The following ZBED6 variants were observed in gnomAD, a reference collection of about 807,000 sequenced individuals.
The protein encoded by ZBED6 is zinc finger BED domain-containing protein 6.
In ZBED6, 40 loss-of-function variants were observed where a neutral mutation model predicts 58.4. That is an observed-to-expected ratio of 0.68 (90% CI 0.53 to 0.89). ZBED6 has a LOEUF of 0.89. Ranked by LOEUF, ZBED6 falls within the 40% of genes least tolerant of loss-of-function variation. ZBED6 has a pLI of 0.00. For synonymous variants in ZBED6, 439 were observed against 350.6 expected (o/e 1.25, Z -2.82); for missense variants, 1,057 against 1,003.9 (o/e 1.05, Z -0.71).
At chr1:203,849,925 C>A in exon 14 of ZBED6, 1 of 1,614,070 alleles carries the variant, frequency 6.2e-7, no homozygotes, top group Non-Finnish European at 8.5e-7. Flanking sequence ...AAGCGGCTTC[C>A]CACAAAGTCA....
At chr1:203,823,278 C>G (rs568939494) in intron 3 of ZBED6, among the ~76,000 whole-genome samples, 2 of 152,110 alleles carry the variant, frequency 1.3e-5, no homozygotes, top group East Asian at 3.8e-4. Flanking sequence ...TGGAAGAATC[C>G]GTGTGCCTGT....
At chr1:203,833,733 G>GT in intron 8 of ZBED6, 58 bp from the exon 9 acceptor site, 1 of 1,466,132 alleles carries the variant, frequency 6.8e-7, no homozygotes. Context: ...CCCATTAGTA[G>GT]TTACTGAATA....
At chr1:203,796,257 C>A (rs1188536007) in exon 1 of ZBED6, 2 of 395,220 alleles carry the variant, frequency 5.1e-6, no homozygotes, top group Non-Finnish European at 8.9e-6. Context: ...GACTGAGTGC[C>A]GGGCGCTGAA....
In ZBED6 at chr1:203,826,765, T is replaced by G. The variant is rs543553104; in HGVS notation, c.*2874-1534T>G. Among the ~76,000 whole-genome samples the G allele has an allele frequency of 3.9e-5, 6 of 152,354 alleles. 1 individual carries two copies. In the South Asian group the frequency reaches 1.2e-3, roughly 32 times the overall value. On this transcript the variant is annotated intron_variant, in intron 3 of 16. Coordinates refer to ENST00000550078, the Ensembl canonical transcript of ZBED6. ...TAGAGATTCGACATAATGCAGTTCA[T>G]CGGAGGTTAGTTAGTTTTTGGGAGT...
intron 8 of ZBED6, among the ~76,000 whole-genome samples, chr1:203,833,298 G>C (rs2103067831): frequency 6.6e-6 from 1 of 151,442 alleles, no homozygotes. Flanking sequence ...CCGGGAGGTG[G>C]AGGTTGCAGT....
At chr1:203,819,075 A>T (rs569362891) in intron 3 of ZBED6, among the ~76,000 whole-genome samples, 42,642 of 92,214 alleles carry the variant, frequency 0.46, 6,772 homozygotes, top group Non-Finnish European at 0.56. Flanking sequence ...CTCAAAAAAA[A>T]AAATATATAT....
chr1:203,823,146 A>G (rs1679342387), intron 3 of ZBED6, among the ~76,000 whole-genome samples: 1 of 152,204 alleles, frequency 6.6e-6, no homozygotes, highest in African/African-American at 2.4e-5. Flanking sequence ...AGGGTATGGC[A>G]GTGTCTCCAG....
chr1:203,842,548 G>A (rs1686722329), intron 11 of ZBED6, among the ~76,000 whole-genome samples: 1 of 150,728 alleles, frequency 6.6e-6, no homozygotes, highest in African/African-American at 2.4e-5. Context: ...GATGGCAGCA[G>A]TACAGTCCAG....
At chr1:203,824,896 G>A (rs1200544814) in intron 3 of ZBED6, among the ~76,000 whole-genome samples, 1 of 152,064 alleles carries the variant, frequency 6.6e-6, no homozygotes, top group Non-Finnish European at 1.5e-5. Context: ...ACAACATGGT[G>A]AAACCCTGTC....
intron 16 of ZBED6, among the ~76,000 whole-genome samples, chr1:203,851,446 C>T (rs1689236465): frequency 6.6e-6 from 1 of 152,216 alleles, no homozygotes; most frequent in Non-Finnish European, 1.5e-5. Context: ...TCTCCTGCCT[C>T]AGCTTCCCAA....
chr1:203,805,097 T>G (rs1304932586), intron 1 of ZBED6, among the ~76,000 whole-genome samples: 1 of 152,078 alleles, frequency 6.6e-6, no homozygotes, highest in Non-Finnish European at 1.5e-5. Context: ...AGATGTAGTA[T>G]TAAGGAAACC....
In ZBED6 at chr1:203,848,323, G is replaced by C. The variant is rs370603761; in HGVS notation, c.*4246-8G>C. ...AAATAACTAATGATGTCTTTAATGT[G>C]AATACAGGGATGAAAGAAGAGAAGA... On this transcript the variant is annotated splice_polypyrimidine_tract_variant and splice_region_variant and intron_variant, in intron 12 of 16. Transcript: ENST00000550078. 1.7e-5 allele frequency: 27 copies of C among 1,609,640 alleles called. No homozygotes were observed. In the African/African-American group the frequency reaches 3.3e-4, roughly 20 times the overall value.
exon 17 of ZBED6, chr1:203,852,200 C>T (rs1275005938): frequency 9.3e-6 from 15 of 1,613,508 alleles, no homozygotes; most frequent in Admixed American, 6.7e-5. Flanking sequence ...GTGTCTGGCC[C>T]TTCCTCATCC....
chr1:203,802,714 C>CTTTTT (rs150416242), exon 1 of ZBED6: 5 of 131,642 alleles, frequency 3.8e-5, no homozygotes, highest in African/African-American at 8.2e-5. Flanking sequence ...TAAATGAACT[C>CTTTTT]TTTTTTTTTG....
chr1:203,835,081 G>A (rs752052731), intron 9 of ZBED6, among the ~76,000 whole-genome samples: 2 of 152,148 alleles, frequency 1.3e-5, no homozygotes, highest in African/African-American at 2.4e-5. Context: ...CTTCAGAACC[G>A]TTCTGAACTT....
At chr1:203,844,029 G>A (rs1478269941) in intron 11 of ZBED6, among the ~76,000 whole-genome samples, 3 of 151,364 alleles carry the variant, frequency 2.0e-5, no homozygotes, top group Admixed American at 2.0e-4. Flanking sequence ...GGCTAATTTT[G>A]TATTTTTAGT....
In ZBED6 at chr1:203,803,461, G is replaced by A. The variant is rs1049264077; in HGVS notation, c.*2554+445G>A. On this transcript the variant is annotated intron_variant, in intron 1 of 16. Transcript: ENST00000550078. ...CAGCCTCAGCCTCCCAAAGTGCTGG[G>A]ATTACAGGCATGAGCCACCGCCTCT... Among the ~76,000 whole-genome samples the A allele has an allele frequency of 8.5e-5, 13 of 152,272 alleles. No homozygotes were observed. In the Middle Eastern group the frequency reaches 0.01, roughly 120 times the overall value.
At chr1:203,807,382 C>G (rs1672738133) in intron 1 of ZBED6, among the ~76,000 whole-genome samples, 1 of 152,134 alleles carries the variant, frequency 6.6e-6, no homozygotes, top group African/African-American at 2.4e-5. Flanking sequence ...AACTCCTGGG[C>G]TCAAGGCTTC....
chr1:203,846,032 TTTGA>T (rs1161580533), intron 11 of ZBED6, among the ~76,000 whole-genome samples: 1 of 150,338 alleles, frequency 6.7e-6, no homozygotes, highest in Non-Finnish European at 1.5e-5. Flanking sequence ...ATCCCAGCAC[TTTGA>T]TTGGCTGAGG....
Sources: allele counts gnomAD v4.1 joint callset (sites outside exome capture counted in the v4.1 genomes callset), GRCh38; gene constraint gnomAD v4.1.1; transcripts MANE v1.5; gene names NCBI Gene and HGNC (gene_info 2026-07-23, HGNC 2026-07-21).